DTNA: variants seen among roughly 807,000 people sequenced by gnomAD.
DTNA encodes the protein dystrobrevin alpha, also known as dystrophin-related protein 3.
DTNA carries 43 observed loss-of-function variants against 100.7 expected under a neutral mutation model. The observed-to-expected ratio is 0.43, with a 90% CI of 0.33 to 0.55. The LOEUF (loss-of-function observed/expected upper bound fraction) is 0.55, where lower values mean the gene tolerates loss of function less well. DTNA is among the 20% of genes least tolerant of loss of function. DTNA has a pLI of 0.04. For synonymous variants in DTNA, 349 were observed against 347.9 expected, an observed-to-expected ratio of 1.00 and a Z score of -0.04; for missense variants, 798 against 953.9, an observed-to-expected ratio of 0.84 and a Z score of 2.15.
intron 1 of DTNA, among the ~76,000 whole-genome samples, chr18:34,511,374 A>T (rs767794172): frequency 2.0e-5 from 3 of 152,098 alleles, no homozygotes; most frequent in Admixed American, 6.6e-5. Flanking sequence ...TAATTTCTAG[A>T]TGAGAAAAAG....
At chr18:34,517,335 A>G (rs2041730319) in intron 1 of DTNA, among the ~76,000 whole-genome samples, 2 of 152,182 alleles carry the variant, frequency 1.3e-5, no homozygotes, top group African/African-American at 2.4e-5. Context: ...CAGAGGTCCC[A>G]TGAACTTGTC....
In DTNA at chr18:34,861,851, A is replaced by G. The variant is rs537583736; in HGVS notation, c.1647-2115A>G. Among the ~76,000 whole-genome samples the G allele has an allele frequency of 3.9e-5, 6 of 152,292 alleles. No individual in the cohort carries two copies. The South Asian group carries it at 1.0e-3, about 26-fold the overall frequency. ...TTGACTAATTCTAAATTAATTTGCC[A>G]TTACTCTTAATGGCAAAAACCGCAG... On this transcript the variant is annotated intron_variant, in intron 16 of 22. Coordinates refer to ENST00000444659, the MANE Select transcript of DTNA (RefSeq NM_001386795.1).
intron 1 of DTNA, among the ~76,000 whole-genome samples, chr18:34,694,991 G>A (rs1212268439): frequency 1.3e-5 from 2 of 152,128 alleles, no homozygotes; most frequent in East Asian, 3.9e-4. Flanking sequence ...GTAGGACGGA[G>A]CATGCCACCA....
In DTNA at chr18:34,625,577, T is replaced by C. The variant is rs185889835; in HGVS notation, c.-1-130399T>C. Reference sequence around the variant, plus strand: ...CCTTTCCTTTGGGAAACTTATCTTCTTGGAAACATAAGACATACATAAAAT... The same window carrying C: ...CCTTTCCTTTGGGAAACTTATCTTCCTGGAAACATAAGACATACATAAAAT... On this transcript the variant is annotated intron_variant, in intron 1 of 19. Coordinates refer to the DTNA transcript ENST00000283365. Among the ~76,000 whole-genome samples the C allele has an allele frequency of 4.7e-4, 71 of 152,358 alleles. No individual in the cohort carries two copies. In the Middle Eastern group the frequency reaches 0.014, roughly 29 times the overall value.
intron 1 of DTNA, among the ~76,000 whole-genome samples, chr18:34,572,738 C>G (rs1423352974): frequency 1.3e-5 from 2 of 152,156 alleles, no homozygotes; most frequent in East Asian, 1.9e-4. Context: ...TCCCCCACTT[C>G]CATCTAACTC....
upstream of DTNA, among the ~76,000 whole-genome samples, chr18:34,708,451 G>T (rs1382657745): frequency 1.3e-5 from 2 of 152,028 alleles, no homozygotes; most frequent in African/African-American, 4.8e-5. Context: ...ACAATGAACT[G>T]CTGTACTTGT....
chr18:34,817,915 A>G, intron 7 of DTNA: 1 of 1,328,592 alleles, frequency 7.5e-7, no homozygotes. Context: ...AGCAAATGGC[A>G]TTACAGAGAT....
At chr18:34,787,552 T>C (rs2094550039) in intron 3 of DTNA, among the ~76,000 whole-genome samples, 1 of 152,198 alleles carries the variant, frequency 6.6e-6, no homozygotes, top group South Asian at 2.1e-4. Flanking sequence ...TCTAATAAAG[T>C]TTATGACATC....
intron 13 of DTNA, among the ~76,000 whole-genome samples, chr18:34,846,703 A>C (rs1291996854): frequency 6.6e-6 from 1 of 152,200 alleles, no homozygotes; most frequent in Admixed American, 6.5e-5. Context: ...GATTCAGCTA[A>C]CCAGACAAGA....
At chr18:34,848,256 C>T in intron 13 of DTNA, 40 bp from the exon 14 acceptor site, 1 of 1,595,510 alleles carries the variant, frequency 6.3e-7, no homozygotes, top group Middle Eastern at 1.7e-4. Context: ...CAATCTTTCT[C>T]AGTTGCCTAA....
At chr18:34,716,716 C>T (rs192000911) in intron 1 of DTNA, among the ~76,000 whole-genome samples, 2 of 152,302 alleles carry the variant, frequency 1.3e-5, no homozygotes, top group Admixed American at 6.5e-5. Flanking sequence ...ATGCCTGAAT[C>T]ATGCTACTAA....
chr18:34,828,294 A>T (rs2095909164), intron 10 of DTNA, among the ~76,000 whole-genome samples: 1 of 152,210 alleles, frequency 6.6e-6, no homozygotes, highest in African/African-American at 2.4e-5. Flanking sequence ...AGCATCAGAC[A>T]TATGCAGGGT....
intron 1 of DTNA, among the ~76,000 whole-genome samples, chr18:34,656,891 T>G (rs894574132): frequency 3.3e-5 from 5 of 152,200 alleles, no homozygotes; most frequent in East Asian, 1.9e-4. Flanking sequence ...TTGTTTGTTT[T>G]TTTGAGACAG....
At chr18:34,631,378 A>G (rs2058060195) in intron 1 of DTNA, among the ~76,000 whole-genome samples, 2 of 152,194 alleles carry the variant, frequency 1.3e-5, no homozygotes, top group African/African-American at 4.8e-5. Context: ...TATTATTCCA[A>G]TTTTAATTTC....
At chr18:34,528,625 G>A (rs1396240604) in intron 1 of DTNA, among the ~76,000 whole-genome samples, 1 of 152,056 alleles carries the variant, frequency 6.6e-6, no homozygotes, top group Non-Finnish European at 1.5e-5. Context: ...TAATGCATTA[G>A]TGTCATGTTT....
At chr18:34,746,513 G>A (rs1012039743) in intron 1 of DTNA, among the ~76,000 whole-genome samples, 3 of 152,038 alleles carry the variant, frequency 2.0e-5, no homozygotes, top group East Asian at 1.9e-4. Context: ...ATGCACACAT[G>A]TACACAGTCA....
intron 1 of DTNA, among the ~76,000 whole-genome samples, chr18:34,553,201 T>C (rs1236900129): frequency 9.2e-5 from 14 of 151,716 alleles, no homozygotes; most frequent in Non-Finnish European, 2.1e-4. Flanking sequence ...TGTTCATGTC[T>C]TTTGCCCACT....
chr18:34,788,401 G>A (rs936750822), intron 3 of DTNA, among the ~76,000 whole-genome samples: 3 of 152,212 alleles, frequency 2.0e-5, no homozygotes, highest in Non-Finnish European at 1.5e-5. Context: ...AGTGCTTTAT[G>A]TGAAGTATCT....
chr18:34,671,944 C>T (rs1159667212), intron 1 of DTNA, among the ~76,000 whole-genome samples: 1 of 152,148 alleles, frequency 6.6e-6, no homozygotes, highest in African/African-American at 2.4e-5. Context: ...CTATGGTATA[C>T]CTGCTTGTAG....
Sources: allele counts gnomAD v4.1 joint callset (sites outside exome capture counted in the v4.1 genomes callset), GRCh38; gene constraint gnomAD v4.1.1; transcripts MANE v1.5; gene names NCBI Gene and HGNC (gene_info 2026-07-23, HGNC 2026-07-21).